Variants in SGCD observed in about 807,000 individuals in gnomAD.
SGCD encodes sarcoglycan delta, also known as delta-sarcoglycan.
SGCD carries 18 observed loss-of-function variants against 36.6 expected under a neutral mutation model. The observed-to-expected ratio is 0.49, with a 90% CI of 0.34 to 0.73. SGCD has a LOEUF of 0.73. Among genes scored for constraint, SGCD ranks in the 30% least tolerant of loss-of-function variants. The pLI, the probability that SGCD is intolerant of heterozygous loss-of-function variation, is 0.01. For missense variants in SGCD, 387 were observed against 346.7 expected (o/e 1.12, Z -0.92); for synonymous variants, 133 against 130.6 (o/e 1.02, Z -0.12).
intron 6 of SGCD, among the ~76,000 whole-genome samples, chr5:156,621,430 A>G (rs1307337023): frequency 1.3e-5 from 2 of 152,226 alleles, no homozygotes; most frequent in East Asian, 3.9e-4. Flanking sequence ...TGACCTCGTA[A>G]TCTTCCTGCC....
chr5:156,749,723 T>C (rs571449473), intron 7 of SGCD, among the ~76,000 whole-genome samples: 7 of 152,190 alleles, frequency 4.6e-5, no homozygotes, highest in Admixed American at 2.6e-4. Context: ...AAAGCTAACT[T>C]ACAAAAAAAA....
chr5:155,942,322 G>GTATCTATCTATC (rs1486613471), intron 1 of SGCD, among the ~76,000 whole-genome samples: 4,449 of 78,896 alleles, frequency 0.056, 119 homozygotes, highest in Middle Eastern at 0.071. Context: ...ATGTATGTAT[G>GTATCTATCTATC]TATGTATGTA....
chr5:155,851,153 A>G, the SGCD span, among the ~76,000 whole-genome samples: 2 of 152,150 alleles, frequency 1.3e-5, no homozygotes, highest in African/African-American at 4.8e-5. Flanking sequence ...TTAGTCACAC[A>G]TATCAACTTA....
chr5:156,157,820 T>C (rs1351586238), intron 3 of SGCD, among the ~76,000 whole-genome samples: 1 of 151,740 alleles, frequency 6.6e-6, no homozygotes, highest in African/African-American at 2.4e-5. Flanking sequence ...TGTTAGGAAA[T>C]ACAGTATAAT....
At chr5:155,982,383 T>C (rs2127562419) in intron 1 of SGCD, among the ~76,000 whole-genome samples, 1 of 152,364 alleles carries the variant, frequency 6.6e-6, no homozygotes, top group South Asian at 2.1e-4. Flanking sequence ...TAGAAAGTTC[T>C]CAGTTGCTGG....
intron 3 of SGCD, among the ~76,000 whole-genome samples, chr5:156,150,428 G>A (rs1025750531): frequency 1.3e-5 from 2 of 151,718 alleles, no homozygotes; most frequent in East Asian, 1.9e-4. Context: ...GTTGTACTGC[G>A]ATCAGACCTT....
chr5:156,291,989 A>C (rs984349452), intron 3 of SGCD, among the ~76,000 whole-genome samples: 2 of 151,968 alleles, frequency 1.3e-5, no homozygotes, highest in African/African-American at 4.8e-5. Flanking sequence ...TCTTTGAAAA[A>C]CATCTTCCCA....
intron 3 of SGCD, among the ~76,000 whole-genome samples, chr5:156,218,962 T>A (rs185116652): frequency 6.6e-6 from 1 of 152,350 alleles, no homozygotes; most frequent in African/African-American, 2.4e-5. Flanking sequence ...GTCATTTTTT[T>A]ACTCACTCGC....
intron 3 of SGCD, among the ~76,000 whole-genome samples, chr5:156,228,477 G>T (rs1174778908): frequency 1.3e-5 from 2 of 152,116 alleles, no homozygotes; most frequent in African/African-American, 4.8e-5. Context: ...TGCTTTTGAT[G>T]TCAATTTGCA....
intron 3 of SGCD, among the ~76,000 whole-genome samples, chr5:156,488,849 A>G (rs1351747351): frequency 2.0e-5 from 3 of 152,204 alleles, no homozygotes; most frequent in Non-Finnish European, 2.9e-5. Flanking sequence ...CCAGAAAGCA[A>G]CTAATAAAAT....
chr5:156,611,985 C>T (rs1214522966), intron 6 of SGCD, among the ~76,000 whole-genome samples: 2 of 152,060 alleles, frequency 1.3e-5, no homozygotes, highest in African/African-American at 2.4e-5. Flanking sequence ...TTTCCTATTT[C>T]ATTGAATTGG....
chr5:156,285,484 C>A (rs999124799), intron 3 of SGCD, among the ~76,000 whole-genome samples: 20 of 152,120 alleles, frequency 1.3e-4, no homozygotes, highest in Non-Finnish European at 2.9e-4. Flanking sequence ...AGATATAGAT[C>A]AATGGAACAG....
intron 1 of SGCD, among the ~76,000 whole-genome samples, chr5:155,876,015 T>G (rs917070497): frequency 1.3e-5 from 2 of 152,012 alleles, no homozygotes; most frequent in Non-Finnish European, 2.9e-5. Context: ...AAAGTTGTTT[T>G]TTTTTTTCTT....
chr5:156,089,016 T>C (rs1761171374), intron 1 of SGCD, among the ~76,000 whole-genome samples: 1 of 152,200 alleles, frequency 6.6e-6, no homozygotes, highest in Non-Finnish European at 1.5e-5. Flanking sequence ...TCCAGGACTT[T>C]AATGGCACCT....
chr5:156,560,202 G>T (rs568826823), intron 4 of SGCD, among the ~76,000 whole-genome samples: 10 of 152,294 alleles, frequency 6.6e-5, no homozygotes, highest in Admixed American at 5.2e-4. Flanking sequence ...AGATGTAACA[G>T]TTTCCTCTTA....
intron 4 of SGCD, among the ~76,000 whole-genome samples, chr5:156,529,179 C>G (rs1477193868): frequency 6.6e-6 from 1 of 152,058 alleles, no homozygotes; most frequent in South Asian, 2.1e-4. Context: ...GTAATCCCAG[C>G]ACTTTGGAAG....
At chr5:155,964,141 A>T (rs1478223472) in intron 1 of SGCD, among the ~76,000 whole-genome samples, 4 of 152,118 alleles carry the variant, frequency 2.6e-5, no homozygotes, top group African/African-American at 4.8e-5. Context: ...AGACAGTTGG[A>T]TGTTTTTCTT....
chr5:156,519,823 G>A lies in SGCD; in HGVS notation c.294+11121G>A, dbSNP rs192573070. On this transcript the variant is annotated intron_variant, in intron 4 of 8. Coordinates refer to ENST00000337851, the MANE Select transcript of SGCD (RefSeq NM_000337.6). Reference sequence around the variant, plus strand: ...TCAATAAAATTCAACATTCCTTCCCGTTAAAAAACTCCCAATAAATGAGGT... The same window carrying A: ...TCAATAAAATTCAACATTCCTTCCCATTAAAAAACTCCCAATAAATGAGGT... Among the ~76,000 whole-genome samples, 81 of 152,092 alleles carry A rather than the reference G, an allele frequency of 5.3e-4. No individual in the cohort carries two copies. The Middle Eastern group carries it at 0.01, about 19-fold the overall frequency.
chr5:156,100,155 T>G (rs1489074262), intron 1 of SGCD, among the ~76,000 whole-genome samples: 2 of 152,180 alleles, frequency 1.3e-5, no homozygotes, highest in Non-Finnish European at 2.9e-5. Flanking sequence ...AAACAATTGT[T>G]TGTTCAGAGT....
Sources: allele counts gnomAD v4.1 joint callset (sites outside exome capture counted in the v4.1 genomes callset), GRCh38; gene constraint gnomAD v4.1.1; transcripts MANE v1.5; gene names NCBI Gene and HGNC (gene_info 2026-07-23, HGNC 2026-07-21).